OSBP2: variants seen among roughly 807,000 people sequenced by gnomAD.
OSBP2 encodes the protein oxysterol-binding protein 2.
Under a neutral mutation model 96.0 loss-of-function variants are expected in OSBP2, and 66 were observed. The ratio of observed to expected loss-of-function variants is 0.69; its 90% CI spans 0.56 to 0.84. OSBP2 has a LOEUF of 0.84. Among genes scored for constraint, OSBP2 ranks in the 40% least tolerant of loss-of-function variants. The pLI is 0.00. For synonymous variants in OSBP2, 525 were observed against 520.9 expected (o/e 1.01, Z -0.11); for missense variants, 1,038 against 1,222.7 (o/e 0.85, Z 2.25).
intron 2 of OSBP2, among the ~76,000 whole-genome samples, chr22:30,863,424 C>T (rs1025689546): frequency 3.3e-5 from 5 of 152,164 alleles, no homozygotes; most frequent in Non-Finnish European, 5.9e-5. Flanking sequence ...GACACCACTG[C>T]GCTGTTTCTC....
intron 2 of OSBP2, among the ~76,000 whole-genome samples, chr22:30,808,940 C>T (rs1341348071): frequency 2.6e-5 from 4 of 151,896 alleles, no homozygotes; most frequent in East Asian, 1.9e-4. Context: ...GGTGACAGAG[C>T]GAGACTCCGT....
At chr22:30,905,745 G>GGC (rs1156718021) in intron 12 of OSBP2, 92 bp from the exon 13 acceptor site, 2 of 1,156,808 alleles carry the variant, frequency 1.7e-6, no homozygotes, top group South Asian at 1.5e-5. Flanking sequence ...AGGCGACCCG[G>GGC]GAGGAGACAC....
intron 2 of OSBP2, among the ~76,000 whole-genome samples, chr22:30,810,226 T>A (rs1440686659): frequency 6.6e-6 from 1 of 151,852 alleles, no homozygotes. Flanking sequence ...TAGAAGACAG[T>A]GGATGTGTGG....
intron 2 of OSBP2, chr22:30,773,035 AC>A (rs1555911974): frequency 6.6e-6 from 1 of 150,660 alleles, no homozygotes; most frequent in Non-Finnish European, 1.5e-5. Flanking sequence ...CTTGTGATCC[AC>A]CTGCCTTGGC....
intron 1 of OSBP2, among the ~76,000 whole-genome samples, chr22:30,732,273 C>T (rs1236128603): frequency 1.3e-5 from 2 of 152,072 alleles, no homozygotes; most frequent in Non-Finnish European, 1.5e-5. Context: ...CATTGCACTC[C>T]AGCCTGGGCA....
intron 12 of OSBP2, among the ~76,000 whole-genome samples, chr22:30,903,590 A>C (rs1326878128): frequency 6.6e-6 from 1 of 152,256 alleles, no homozygotes; most frequent in East Asian, 1.9e-4. Flanking sequence ...TGTCCCAATG[A>C]GTTCACTCCT....
At chr22:30,840,603 T>C (rs532185189) in intron 2 of OSBP2, among the ~76,000 whole-genome samples, 1 of 152,298 alleles carries the variant, frequency 6.6e-6, no homozygotes, top group African/African-American at 2.4e-5. Flanking sequence ...TCCAAACCTA[T>C]GTCTTATCTG....
At chr22:30,774,721 T>C (rs2090406142) in intron 2 of OSBP2, among the ~76,000 whole-genome samples, 1 of 152,252 alleles carries the variant, frequency 6.6e-6, no homozygotes, top group African/African-American at 2.4e-5. Flanking sequence ...GTTTTATAAC[T>C]GACTCATTAA....
At chr22:30,749,907 C>T (rs898064766) in intron 2 of OSBP2, among the ~76,000 whole-genome samples, 1 of 152,140 alleles carries the variant, frequency 6.6e-6, no homozygotes, top group African/African-American at 2.4e-5. Flanking sequence ...CGCGCCTGGC[C>T]ACAGACTCGT....
At chr22:30,711,703 G>A (rs192679111) in intron 1 of OSBP2, among the ~76,000 whole-genome samples, 8 of 142,942 alleles carry the variant, frequency 5.6e-5, no homozygotes, top group Non-Finnish European at 1.0e-4. Context: ...TCACATTACT[G>A]CACTCCAGCC....
chr22:30,860,792 G>A (rs2039195284), intron 2 of OSBP2, among the ~76,000 whole-genome samples: 1 of 152,240 alleles, frequency 6.6e-6, no homozygotes, highest in Non-Finnish European at 1.5e-5. Flanking sequence ...CTGCCGGCTG[G>A]AGGAAGCTGT....
At chr22:30,893,427 G>A (rs769049059) in intron 9 of OSBP2, 36 bp from the exon 10 acceptor site, 1 of 1,575,522 alleles carries the variant, frequency 6.3e-7, no homozygotes, top group East Asian at 2.2e-5. Context: ...GCCCTGCATG[G>A]GGGGGCATGA....
At chr22:30,839,409 C>A in intron 2 of OSBP2, among the ~76,000 whole-genome samples, 1 of 118,670 alleles carries the variant, frequency 8.4e-6, no homozygotes, top group East Asian at 2.6e-4. Context: ...TTCTAGATCC[C>A]TGAGGAATCG....
chr22:30,775,765 A>G (rs1425916089), intron 2 of OSBP2, among the ~76,000 whole-genome samples: 3 of 152,042 alleles, frequency 2.0e-5, no homozygotes, highest in Non-Finnish European at 4.4e-5. Flanking sequence ...AGGTGTGTAT[A>G]TTTATGGGTA....
chr22:30,696,103 C>T (rs2089028148), intron 1 of OSBP2, among the ~76,000 whole-genome samples: 1 of 152,134 alleles, frequency 6.6e-6, no homozygotes, highest in Non-Finnish European at 1.5e-5. Flanking sequence ...CGGTTCTTGG[C>T]CTTCAGGAGT....
chr22:30,720,937 A>T (rs1217680256), intron 1 of OSBP2, among the ~76,000 whole-genome samples: 2 of 152,058 alleles, frequency 1.3e-5, no homozygotes, highest in Non-Finnish European at 2.9e-5. Context: ...CAAATGGTAG[A>T]TGGGAGGCCT....
At chr22:30,770,916 C>T (rs1000475284) in intron 2 of OSBP2, among the ~76,000 whole-genome samples, 3 of 152,228 alleles carry the variant, frequency 2.0e-5, no homozygotes, top group Non-Finnish European at 2.9e-5. Context: ...TGCCCTGGCC[C>T]GATCCAGCAT....
At chr22:30,737,637 A>G (rs1230888042) in intron 1 of OSBP2, among the ~76,000 whole-genome samples, 3 of 152,032 alleles carry the variant, frequency 2.0e-5, no homozygotes, top group Non-Finnish European at 4.4e-5. Flanking sequence ...CCTAACTTCA[A>G]GAACTCTTGA....
chr22:30,860,918 T>G (rs2039197561), intron 2 of OSBP2, among the ~76,000 whole-genome samples: 1 of 152,200 alleles, frequency 6.6e-6, no homozygotes, highest in African/African-American at 2.4e-5. Context: ...GGCTGCCCGG[T>G]GCTGTCCATC....
Sources: allele counts gnomAD v4.1 joint callset (sites outside exome capture counted in the v4.1 genomes callset), GRCh38; gene constraint gnomAD v4.1.1; transcripts MANE v1.5; gene names NCBI Gene and HGNC (gene_info 2026-07-23, HGNC 2026-07-21).